Variants in RERE observed in about 807,000 individuals in gnomAD.
RERE encodes the protein arginine-glutamic acid dipeptide repeats, also known as arginine-glutamic acid dipeptide repeats protein.
A neutral mutation model predicts 146.1 loss-of-function variants in RERE; 40 were observed. The observed-to-expected ratio is 0.27, with a 90% CI of 0.21 to 0.36. The LOEUF (loss-of-function observed/expected upper bound fraction) is 0.36, where lower values mean the gene tolerates loss of function less well. RERE is among the 10% of genes least tolerant of loss of function. The probability of loss-of-function intolerance (pLI) is 1.00; values close to 1 mark genes in which losing one functional copy is unlikely to be tolerated. For synonymous variants in RERE, 1,003 were observed against 866.0 expected (o/e 1.16, Z -2.78); for missense variants, 1,933 against 2,138.7 (o/e 0.90, Z 1.90).
intron 12 of RERE, among the ~76,000 whole-genome samples, chr1:8,382,451 C>G (rs72866006): frequency 2.0e-5 from 3 of 152,228 alleles, no homozygotes; most frequent in African/African-American, 7.2e-5. Context: ...CGCATGCGTG[C>G]GTGTGCATGA....
intron 1 of RERE, among the ~76,000 whole-genome samples, chr1:8,745,030 C>A (rs1042580431): frequency 1.3e-5 from 2 of 152,158 alleles, no homozygotes; most frequent in African/African-American, 2.4e-5. Context: ...TACCACTTCA[C>A]CCCAGGGCAT....
intron 12 of RERE, among the ~76,000 whole-genome samples, chr1:8,387,323 C>T (rs1642710797): frequency 6.6e-6 from 1 of 152,134 alleles, no homozygotes; most frequent in Non-Finnish European, 1.5e-5. Context: ...TCACCAAACC[C>T]ACGGACTAAG....
At chr1:8,539,424 G>C (rs561220269) in intron 7 of RERE, among the ~76,000 whole-genome samples, 146 of 149,740 alleles carry the variant, frequency 9.8e-4, no homozygotes, top group South Asian at 2.1e-3. Context: ...TTTTTTTCTC[G>C]AGATGGAGTC....
intron 1 of RERE, among the ~76,000 whole-genome samples, chr1:8,772,941 G>C (rs1419046094): frequency 6.6e-6 from 1 of 152,130 alleles, no homozygotes; most frequent in East Asian, 1.9e-4. Flanking sequence ...ACAAAAATTA[G>C]CCAGGCTTGG....
At chr1:8,771,413 A>G (rs1640946201) in intron 1 of RERE, among the ~76,000 whole-genome samples, 1 of 151,568 alleles carries the variant, frequency 6.6e-6, no homozygotes, top group Admixed American at 6.6e-5. Context: ...GGTCCCAGAT[A>G]CTCCGGAGGC....
intron 1 of RERE, among the ~76,000 whole-genome samples, chr1:8,790,236 AT>A (rs1641339796): frequency 6.6e-6 from 1 of 152,192 alleles, no homozygotes; most frequent in Non-Finnish European, 1.5e-5. Flanking sequence ...GAAATGGCAT[AT>A]GTACTGAAAC....
chr1:8,785,140 C>A (rs11586056), intron 1 of RERE, among the ~76,000 whole-genome samples: 22,743 of 152,232 alleles, frequency 0.15, 2,132 homozygotes, highest in Middle Eastern at 0.22. Flanking sequence ...AAATACAACA[C>A]TGTTTTAAAG....
chr1:8,433,639 C>A (rs951849314), intron 11 of RERE, among the ~76,000 whole-genome samples: 1 of 150,462 alleles, frequency 6.6e-6, no homozygotes, highest in Admixed American at 6.6e-5. Flanking sequence ...CGGCTCACTG[C>A]AAGCTCCGCT....
chr1:8,654,625 G>GTTTTTTTT (rs1457159066), intron 2 of RERE, among the ~76,000 whole-genome samples: 1 of 148,128 alleles, frequency 6.8e-6, no homozygotes, highest in African/African-American at 2.5e-5. Flanking sequence ...AAAGGATCTT[G>GTTTTTTTT]TTTTGTTTTT....
chr1:8,575,563 T>TATATATATA (rs903438773), intron 4 of RERE, among the ~76,000 whole-genome samples: 2 of 84,786 alleles, frequency 2.4e-5, no homozygotes, highest in African/African-American at 3.7e-5. Flanking sequence ...ATATATATAT[T>TATATATATA]TTTTTTTTTT....
chr1:8,637,969 T>C (rs1007321286), intron 2 of RERE, among the ~76,000 whole-genome samples: 1 of 152,356 alleles, frequency 6.6e-6, no homozygotes, highest in Admixed American at 6.5e-5. Context: ...CGGAGAATAT[T>C]TGGAAAACAT....
intron 6 of RERE, among the ~76,000 whole-genome samples, chr1:8,549,072 C>T (rs1645901935): frequency 6.6e-6 from 1 of 152,170 alleles, no homozygotes; most frequent in South Asian, 2.1e-4. Flanking sequence ...AGTTAATAGG[C>T]ACAGGCTGGT....
At chr1:8,550,591 G>T (rs547911490) in intron 6 of RERE, among the ~76,000 whole-genome samples, 1 of 152,244 alleles carries the variant, frequency 6.6e-6, no homozygotes, top group African/African-American at 2.4e-5. Flanking sequence ...CTGTCACCCA[G>T]GCTGGAGTGC....
At chr1:8,664,012 A>T (rs1243329685) in intron 1 of RERE, among the ~76,000 whole-genome samples, 1 of 151,972 alleles carries the variant, frequency 6.6e-6, no homozygotes, top group African/African-American at 2.4e-5. Context: ...CTGCCTGTAA[A>T]ATGGCCCTCA....
chr1:8,732,882 C>T lies in RERE; in HGVS notation c.-144-76441G>A, dbSNP rs1338248971. Among the ~76,000 whole-genome samples, 15 of 135,504 alleles carry T rather than the reference C, an allele frequency of 1.1e-4. No individual in the cohort carries two copies. In the Admixed American group the frequency reaches 1.2e-3, roughly 11 times the overall value. The allele number at this position is 135,504 out of a possible 152,430, so 88.9% of individuals were successfully genotyped here. On this transcript the variant is annotated intron_variant, in intron 1 of 22. Transcript: ENST00000400908. ...TGTCACCCAGGCTGGAGTGCAGTGG[C>T]GCTATCTCAGCTCACTGCAAGCTCC... is the stretch of plus-strand genomic sequence containing the variant.
At chr1:8,447,747 C>T (rs775884349) in intron 11 of RERE, among the ~76,000 whole-genome samples, 2 of 152,178 alleles carry the variant, frequency 1.3e-5, no homozygotes, top group Non-Finnish European at 2.9e-5. Context: ...CTGTGTTGAC[C>T]GTGTATGCAA....
intron 4 of RERE, among the ~76,000 whole-genome samples, chr1:8,562,719 TAAC>T (rs1381015192): frequency 6.6e-6 from 1 of 152,114 alleles, no homozygotes; most frequent in African/African-American, 2.4e-5. Context: ...CCAATCTGCT[TAAC>T]AATAAAGTTT....
intron 2 of RERE, among the ~76,000 whole-genome samples, chr1:8,636,949 C>T (rs1396879699): frequency 6.6e-6 from 1 of 152,102 alleles, no homozygotes; most frequent in Non-Finnish European, 1.5e-5. Flanking sequence ...GGCCACTTTA[C>T]TCAAATATTT....
intron 4 of RERE, among the ~76,000 whole-genome samples, chr1:8,601,651 CACACACACACACACACACACAT>C (rs1646628686): frequency 6.9e-6 from 1 of 145,440 alleles, no homozygotes; most frequent in African/African-American, 2.6e-5. Flanking sequence ...CACACACACA[CACACACACACACACACACACAT>C]CTTCCTTCCA....
Sources: gnomAD v4.1 joint callset for allele counts (sites outside exome capture counted in the v4.1 genomes callset) on GRCh38, gnomAD v4.1.1 for gene constraint, MANE v1.5 for transcripts, NCBI Gene and HGNC (gene_info 2026-07-23, HGNC 2026-07-21) for gene names.